Variants in DOCK8 observed in about 807,000 individuals in gnomAD.
DOCK8 encodes the protein dedicator of cytokinesis protein 8.
Under a neutral mutation model 245.6 loss-of-function variants are expected in DOCK8, and 141 were observed. The observed-to-expected ratio is 0.57, with a 90% CI of 0.50 to 0.66. The LOEUF is 0.66. Ranked by LOEUF, DOCK8 falls within the 30% of genes least tolerant of loss-of-function variation. DOCK8 has a pLI of 0.00. For missense variants in DOCK8, 2,965 were observed against 2,603.4 expected, an observed-to-expected ratio of 1.14 and a Z score of -3.02; for synonymous variants, 1,168 against 970.2, an observed-to-expected ratio of 1.20 and a Z score of -3.79.
intron 23 of DOCK8, among the ~76,000 whole-genome samples, chr9:388,366 GC>G (rs1323025368): frequency 5.9e-5 from 9 of 152,190 alleles, no homozygotes; most frequent in Non-Finnish European, 8.8e-5. Flanking sequence ...CAGTCGATAA[GC>G]TGAAACACCT....
intron 12 of DOCK8, among the ~76,000 whole-genome samples, chr9:338,598 G>A (rs1191534377): frequency 1.3e-5 from 2 of 152,170 alleles, no homozygotes; most frequent in East Asian, 3.8e-4. Flanking sequence ...CGAGACAAAT[G>A]TGAAGAAAAT....
At chr9:277,894 T>C (rs1230372178) in intron 2 of DOCK8, among the ~76,000 whole-genome samples, 1 of 152,256 alleles carries the variant, frequency 6.6e-6, no homozygotes, top group Non-Finnish European at 1.5e-5. Context: ...TATAGGCTTC[T>C]GTGCAATAAA....
intron 1 of DOCK8, among the ~76,000 whole-genome samples, chr9:227,524 A>G (rs534621905): frequency 1.1e-4 from 16 of 152,274 alleles, no homozygotes; most frequent in Middle Eastern, 3.4e-3. Flanking sequence ...CCTGGAGTAA[A>G]GATGATTAAA....
At chr9:300,613 CAA>C (rs1306544512) in intron 4 of DOCK8, among the ~76,000 whole-genome samples, 16 of 149,388 alleles carry the variant, frequency 1.1e-4, no homozygotes, top group Non-Finnish European at 1.6e-4. Flanking sequence ...ATAAAGAAAA[CAA>C]GAGAGAAGAT....
intron 18 of DOCK8, 84 bp from the exon 19 acceptor site, chr9:376,126 T>TC: frequency 1.1e-6 from 1 of 940,812 alleles, no homozygotes; most frequent in Non-Finnish European, 1.8e-6. Flanking sequence ...CCCTGACATT[T>TC]CCAGTCAAGT....
intron 41 of DOCK8, 106 bp from the exon 42 acceptor site, chr9:441,769 G>C: frequency 7.1e-7 from 1 of 1,402,318 alleles, no homozygotes; most frequent in South Asian, 1.2e-5. Context: ...ATCAGCCATA[G>C]GAGTAAAATG....
intron 5 of DOCK8, among the ~76,000 whole-genome samples, chr9:306,920 GA>G (rs1316054900): frequency 1.3e-5 from 2 of 152,132 alleles, no homozygotes; most frequent in African/African-American, 2.4e-5. Flanking sequence ...CAAGATCTCA[GA>G]GGGAAAAACC....
intron 23 of DOCK8, among the ~76,000 whole-genome samples, chr9:387,384 A>C (rs1186627858): frequency 6.6e-6 from 1 of 151,688 alleles, no homozygotes; most frequent in African/African-American, 2.4e-5. Flanking sequence ...CAGAGGCTGC[A>C]GTGAGCTGAG....
intron 4 of DOCK8, 107 bp from the exon 5 acceptor site, chr9:304,474 C>G (rs1426660132): frequency 3.1e-5 from 45 of 1,458,008 alleles, no homozygotes; most frequent in Non-Finnish European, 3.4e-5. Context: ...TTTGAAAGCT[C>G]TCTCAGCACC....
chr9:432,415 A>T lies in DOCK8; in HGVS notation c.4785+91A>T, dbSNP rs932842927. The T allele has an allele frequency of 4.2e-6, 5 of 1,187,550 alleles. No homozygotes were observed. In the African/African-American group the frequency reaches 7.7e-5, roughly 18 times the overall value. 73.6% of individuals were successfully genotyped at this position (1,187,550 alleles called of 1,614,324 possible). The stretch of plus-strand genomic sequence containing the variant: ...GTATGTACATATATACACAATTTAT[A>T]TATAAATATATAACATTTGCAAGTA... On this transcript the variant is annotated intron_variant, in intron 37 of 47. Transcript: ENST00000432829.
chr9:234,306 C>A (rs1429884069), intron 1 of DOCK8, among the ~76,000 whole-genome samples: 2 of 152,212 alleles, frequency 1.3e-5, no homozygotes, highest in Non-Finnish European at 1.5e-5. Context: ...GTAACCCGAC[C>A]TTTCTCTCTG....
rs763304335 is a variant in DOCK8 at position 431,548 on chromosome 9, A to C, written c.4627-618A>C. On this transcript the variant is annotated intron_variant, in intron 36 of 47. Coordinates refer to ENST00000432829, the MANE Select transcript of DOCK8 (RefSeq NM_203447.4). ...TTTAGAGACAGGGTCTCGCTCTGTC[A>C]CCGTGGCTGGAGTGCAGTGGCGAGA... Among the ~76,000 whole-genome samples the C allele has an allele frequency of 2.6e-5, 4 of 152,152 alleles. No homozygotes were observed. The East Asian group carries it at 5.8e-4, about 22-fold the overall frequency.
intron 14 of DOCK8, among the ~76,000 whole-genome samples, chr9:360,428 A>C (rs1350003537): frequency 6.6e-6 from 1 of 152,130 alleles, no homozygotes; most frequent in African/African-American, 2.4e-5. Flanking sequence ...CCTAAGCTGG[A>C]AGCACCAGAC....
Position 433,795 on chromosome 9 carries a change from C to G in DOCK8, c.4786-80C>G, listed in dbSNP as rs1016696281. On this transcript the variant is annotated intron_variant, in intron 37 of 47. Transcript: ENST00000432829. ...CTGATCCAACCCTTCCCATGGCTTC[C>G]CCTTGCATTTCAATGTAATCCTAAC... is the stretch of plus-strand genomic sequence containing the variant. 9.2e-6 allele frequency: 11 copies of G among 1,189,604 alleles called. No homozygotes were observed. In the African/African-American group the frequency reaches 1.7e-4, roughly 18 times the overall value. The allele number at this position is 1,189,604 out of a possible 1,614,324, so 73.7% of individuals were successfully genotyped here. A position where few individuals can be genotyped will look rare whatever the true frequency, so the allele number is the denominator to read the frequency against.
intron 39 of DOCK8, among the ~76,000 whole-genome samples, chr9:436,779 T>G (rs955220): frequency 6.6e-6 from 1 of 152,110 alleles, no homozygotes; most frequent in Non-Finnish European, 1.5e-5. Flanking sequence ...GAATATTTAT[T>G]GAATACTTAT....
At chr9:338,541 A>C (rs950283215) in intron 12 of DOCK8, among the ~76,000 whole-genome samples, 8 of 152,224 alleles carry the variant, frequency 5.3e-5, no homozygotes, top group African/African-American at 1.9e-4. Context: ...CTCCTGACCC[A>C]TCTTGGGCAT....
At chr9:375,887 C>T (rs2053493676) in intron 18 of DOCK8, among the ~76,000 whole-genome samples, 1 of 152,134 alleles carries the variant, frequency 6.6e-6, no homozygotes, top group South Asian at 2.1e-4. Flanking sequence ...GTCCCCGCTA[C>T]TCCAGAGACT....
intron 11 of DOCK8, 54 bp downstream of exon 11, chr9:334,438 A>T: frequency 6.3e-7 from 1 of 1,586,378 alleles, no homozygotes; most frequent in South Asian, 1.1e-5. Context: ...TGCGCTGCCC[A>T]GGTCCACAGC....
intron 3 of DOCK8, 24 bp downstream of exon 3, chr9:286,660 A>G (rs910384933): frequency 6.2e-7 from 1 of 1,611,370 alleles, no homozygotes; most frequent in Non-Finnish European, 8.5e-7. Flanking sequence ...TAAAATGTAG[A>G]TGTGATTGGG....
Sources: allele counts gnomAD v4.1 joint callset (sites outside exome capture counted in the v4.1 genomes callset), GRCh38; gene constraint gnomAD v4.1.1; transcripts MANE v1.5; gene names NCBI Gene and HGNC (gene_info 2026-07-23, HGNC 2026-07-21).